MICU3: variants seen among roughly 807,000 people sequenced by gnomAD.
MICU3 encodes calcium uptake protein 3, mitochondrial.
In MICU3, 62 loss-of-function variants were observed where a neutral mutation model predicts 66.5. The ratio of observed to expected loss-of-function variants is 0.93; its 90% CI spans 0.76 to 1.15. The LOEUF (loss-of-function observed/expected upper bound fraction) is 1.15. Ranked by LOEUF, MICU3 falls within the 50% of genes most tolerant of loss-of-function variation. MICU3 has a pLI of 0.00. For missense variants in MICU3, 779 were observed against 664.4 expected (o/e 1.17, Z -1.90); for synonymous variants, 308 against 240.7 (o/e 1.28, Z -2.59).
At chr8:17,033,959 A>G (rs1031949426) in intron 1 of MICU3, among the ~76,000 whole-genome samples, 2 of 152,180 alleles carry the variant, frequency 1.3e-5, no homozygotes, top group African/African-American at 4.8e-5. Context: ...CAGATTTTCA[A>G]TAGAGATGAA....
chr8:17,117,213 A>G (rs1802766225), intron 13 of MICU3, among the ~76,000 whole-genome samples: 1 of 152,144 alleles, frequency 6.6e-6, no homozygotes, highest in Admixed American at 6.5e-5. Flanking sequence ...CCTGGGCTCA[A>G]GCAGTCCTCC....
chr8:17,027,636 C>G lies in MICU3; in HGVS notation c.357C>G (p.Ile119Met). 1 of 1,305,364 alleles carries G rather than the reference C, an allele frequency of 7.7e-7. No individual in the cohort carries two copies. Among genetic ancestry groups the G allele is most frequent in the Non-Finnish European group, 9.7e-7 (1 of 1,030,106 alleles). The allele number at this position is 1,305,364 out of a possible 1,614,324, so 80.9% of individuals were successfully genotyped here. Reference sequence around the variant, plus strand: ...CCCGCGGCCGGGGGATGCTGCCCATCCCAGTGGCGGCTGCCAAGGAGACGG... The same window carrying G: ...CCCGCGGCCGGGGGATGCTGCCCATGCCAGTGGCGGCTGCCAAGGAGACGG... ...DPPRGRGMLP[I>M]PVAAAKETVA... The change falls in exon 1 of 15, where the codon ATC becomes ATG. Residue 119 changes from isoleucine (I) to methionine (M), a missense_variant. Transcript: ENST00000318063.
chr8:17,063,208 T>C (rs564172971), intron 1 of MICU3, among the ~76,000 whole-genome samples: 188 of 152,256 alleles, frequency 1.2e-3, no homozygotes, highest in Non-Finnish European at 2.3e-3. Context: ...ATTTTTAGAT[T>C]CTGTCTTCTA....
intron 2 of MICU3, among the ~76,000 whole-genome samples, chr8:17,065,964 A>G (rs1818614322): frequency 6.6e-6 from 1 of 152,208 alleles, no homozygotes; most frequent in East Asian, 1.9e-4. Flanking sequence ...TGTAAACTAC[A>G]TAAGCAAAAA....
chr8:17,057,981 G>C (rs995413312), intron 1 of MICU3, among the ~76,000 whole-genome samples: 1 of 152,036 alleles, frequency 6.6e-6, no homozygotes, highest in African/African-American at 2.4e-5. Flanking sequence ...CCAAGTAGCT[G>C]AGATTACAGG....
At position 17,056,495 on chromosome 8, in the gene MICU3, A is replaced by T. The variant is rs150800952; in HGVS notation, c.382-7589A>T. ...TTTGAACCTCTTCCAAGTGATATTT[A>T]TGTTTTTCTTTTTCTTGCAAGAACT... On this transcript the variant is annotated intron_variant, in intron 1 of 14. Transcript: ENST00000318063. Among the ~76,000 whole-genome samples the T allele has an allele frequency of 9.3e-4, 141 of 152,270 alleles. 4 individuals are homozygous for T. In the East Asian group the frequency reaches 0.023, roughly 25 times the overall value.
the MICU3 span, among the ~76,000 whole-genome samples, chr8:17,128,974 G>A: frequency 5.9e-5 from 9 of 152,168 alleles, no homozygotes; most frequent in Non-Finnish European, 1.3e-4. Flanking sequence ...ACAGTCACTG[G>A]AGGTCCCATA....
At chr8:17,041,156 G>A (rs1333099002) in intron 1 of MICU3, among the ~76,000 whole-genome samples, 1 of 152,060 alleles carries the variant, frequency 6.6e-6, no homozygotes, top group Non-Finnish European at 1.5e-5. Context: ...TTCAGAATAT[G>A]TAGAATGAGA....
the MICU3 span, among the ~76,000 whole-genome samples, chr8:17,130,821 C>T: frequency 4.6e-5 from 7 of 152,122 alleles, no homozygotes; most frequent in Non-Finnish European, 8.8e-5. Flanking sequence ...AAAGTGATTA[C>T]ATAAATTCAA....
At chr8:17,137,560 C>T in the MICU3 span, among the ~76,000 whole-genome samples, 54 of 147,944 alleles carry the variant, frequency 3.7e-4, no homozygotes, top group Admixed American at 8.9e-4. Flanking sequence ...ATTTTCATTT[C>T]ACACTGGGCT....
intron 1 of MICU3, among the ~76,000 whole-genome samples, chr8:17,053,586 A>T (rs556586581): frequency 6.6e-6 from 1 of 152,312 alleles, no homozygotes; most frequent in East Asian, 1.9e-4. Context: ...TCTGGGAAAG[A>T]TGAGGTAATT....
chr8:17,114,602 A>T (rs1802510251), intron 12 of MICU3, among the ~76,000 whole-genome samples: 1 of 152,232 alleles, frequency 6.6e-6, no homozygotes, highest in Admixed American at 6.5e-5. Context: ...TCAAATAAAT[A>T]CAGTGGTCAT....
At position 17,085,239 on chromosome 8, in the gene MICU3, C is replaced by T; in HGVS notation, c.698C>T (p.Pro233Leu). Residue 233 changes from proline (P) to leucine (L), a missense_variant, in exon 6 of 15, where the codon CCA (proline) becomes CTA (leucine). Physicochemically the swap from Pro to Leu is moderately conservative, Grantham distance 98. Transcript: ENST00000318063. ...YLFLLCILTK[P>L]HAGFRIAFNM... ...CCTTCTCTGTTTTTTCTGGCAGAGC[C>T]ACATGCAGGGTTCAGAATAGCTTTC... 6.2e-7 allele frequency: 1 copy of T among 1,600,928 alleles called. No homozygotes were observed.
intron 8 of MICU3, 60 bp from the exon 9 acceptor site, chr8:17,098,398 A>C (rs1738758373): frequency 1.8e-6 from 2 of 1,093,486 alleles, no homozygotes; most frequent in Non-Finnish European, 1.4e-6. Flanking sequence ...AAAGTGTATA[A>C]ATTATCATTC....
chr8:17,064,035 G>A, intron 1 of MICU3, 49 bp from the exon 2 acceptor site: 2 of 1,417,298 alleles, frequency 1.4e-6, no homozygotes, highest in Non-Finnish European at 1.9e-6. Flanking sequence ...TCTTCTAGAG[G>A]GAGGTATTAC....
chr8:17,120,122 A>G (rs929134545), intron 14 of MICU3, among the ~76,000 whole-genome samples, 166 bp from the exon 15 acceptor site: 3 of 152,170 alleles, frequency 2.0e-5, no homozygotes, highest in African/African-American at 7.2e-5. Flanking sequence ...TGCACAGATT[A>G]CTAAACAAAA....
At chr8:17,068,784 T>G (rs1018423836) in intron 2 of MICU3, among the ~76,000 whole-genome samples, 1 of 152,196 alleles carries the variant, frequency 6.6e-6, no homozygotes, top group African/African-American at 2.4e-5. Flanking sequence ...ATTTGATATA[T>G]TGTTAATTAT....
chr8:17,115,328 G>A (rs1026415365), intron 12 of MICU3, among the ~76,000 whole-genome samples: 5 of 152,094 alleles, frequency 3.3e-5, no homozygotes, highest in African/African-American at 7.2e-5. Context: ...TTCAAATATG[G>A]CATATTCTCA....
chr8:17,098,580 T>G, intron 9 of MICU3, 27 bp downstream of exon 9: 1 of 1,410,386 alleles, frequency 7.1e-7, no homozygotes, highest in African/African-American at 1.4e-5. Context: ...ACAAGGTCCT[T>G]GTACTATTTG....
Sources: allele counts gnomAD v4.1 joint callset (sites outside exome capture counted in the v4.1 genomes callset), GRCh38; gene constraint gnomAD v4.1.1; transcripts MANE v1.5; gene names NCBI Gene and HGNC (gene_info 2026-07-23, HGNC 2026-07-21).